The following SLC4A4 variants were observed in gnomAD, a reference collection of about 807,000 sequenced individuals.
SLC4A4 encodes the protein solute carrier family 4 member 4.
Under a neutral mutation model 111.5 loss-of-function variants are expected in SLC4A4, and 27 were observed. The observed-to-expected ratio is 0.24, with a 90% confidence interval of 0.18 to 0.33. SLC4A4 has a LOEUF of 0.33. Among genes scored for constraint, SLC4A4 ranks in the 10% least tolerant of loss-of-function variants. SLC4A4 has a pLI of 1.00. For missense variants in SLC4A4, 909 were observed against 1,315.5 expected (o/e 0.69, Z 4.78); for synonymous variants, 443 against 463.4 (o/e 0.96, Z 0.57).
intron 1 of SLC4A4, among the ~76,000 whole-genome samples, chr4:71,063,837 T>C (rs989731581): frequency 2.0e-5 from 3 of 152,174 alleles, no homozygotes; most frequent in African/African-American, 7.2e-5. Context: ...GTGAAATCAG[T>C]GATGTATTAT....
chr4:71,090,450 G>T (rs147304668), intron 1 of SLC4A4, among the ~76,000 whole-genome samples: 12 of 152,076 alleles, frequency 7.9e-5, no homozygotes, highest in African/African-American at 2.7e-4. Flanking sequence ...CTGGTACCTC[G>T]GTTGGAAATG....
rs113668750 is a variant in SLC4A4, at chr4:71,314,766, G to T, written c.254-24604G>T. Among the ~76,000 whole-genome samples, 1,058 of 152,046 alleles carry T rather than the reference G, an allele frequency of 7.0e-3. 16 individuals are homozygous for T. Among genetic ancestry groups the T allele is most frequent in the African/African-American group, 0.024 (1,014 of 41,462 alleles). On this transcript the variant is annotated intron_variant, in intron 3 of 25. Transcript: ENST00000264485. ...GGAACAACACACACTGGGGCCTTTC[G>T]GGGAGTGGGGTGCAAGGGGAGGGAG...
chr4:71,564,011 A>G, intron 24 of SLC4A4, 122 bp downstream of exon 24: 1 of 707,470 alleles, frequency 1.4e-6, no homozygotes, highest in Non-Finnish European at 2.6e-6. Flanking sequence ...TTCTATGAGA[A>G]GATTTACACT....
At chr4:71,549,576 A>G (rs1735813712) in intron 20 of SLC4A4, among the ~76,000 whole-genome samples, 1 of 151,754 alleles carries the variant, frequency 6.6e-6, no homozygotes, top group Admixed American at 6.6e-5. Context: ...TTATTTTTAT[A>G]TTATTTCTTT....
chr4:71,217,889 A>G (rs969406181), intron 1 of SLC4A4, among the ~76,000 whole-genome samples: 2 of 152,240 alleles, frequency 1.3e-5, no homozygotes, highest in Non-Finnish European at 2.9e-5. Flanking sequence ...TCTGACATGC[A>G]CTGCTTTTGG....
At chr4:71,464,169 G>T (rs2149095842) in intron 12 of SLC4A4, among the ~76,000 whole-genome samples, 1 of 152,224 alleles carries the variant, frequency 6.6e-6, no homozygotes. Context: ...TATGCACAAG[G>T]GTTGAAATCC....
Position 71,306,581 on chromosome 4 carries a change from C to CA in SLC4A4, c.254-32778dup, listed in dbSNP as rs796463259. Among the ~76,000 whole-genome samples the CA allele has an allele frequency of 4.7e-3, 661 of 139,276 alleles. 2 individuals are homozygous for CA. Among genetic ancestry groups the CA allele is most frequent in the African/African-American group, 8.2e-3 (311 of 37,816 alleles). The allele number at this position is 139,276 out of a possible 152,430, so 91.4% of individuals were successfully genotyped here. A position where few individuals can be genotyped will look rare whatever the true frequency, so the allele number is the denominator to read the frequency against. ...TTGGCAACAGAGTGAGACTCCGTCT[C>CA]AAAAAAAAAAATCATAATAATACCT... On this transcript the variant is annotated intron_variant, in intron 3 of 25. Coordinates refer to ENST00000264485, the MANE Select transcript of SLC4A4 (RefSeq NM_001098484.3).
At chr4:71,098,897 A>C (rs1399469923) in intron 2 of SLC4A4, among the ~76,000 whole-genome samples, 1 of 152,226 alleles carries the variant, frequency 6.6e-6, no homozygotes, top group Non-Finnish European at 1.5e-5. Flanking sequence ...GTAATTCAAC[A>C]AGAAAACCTT....
intron 6 of SLC4A4, among the ~76,000 whole-genome samples, chr4:71,360,688 G>T (rs575700887): frequency 1.3e-5 from 2 of 152,192 alleles, no homozygotes; most frequent in South Asian, 4.2e-4. Context: ...ATAACCATAT[G>T]CTAGCTACTG....
At chr4:71,348,359 A>G (rs1265436623) in intron 4 of SLC4A4, among the ~76,000 whole-genome samples, 2 of 148,628 alleles carry the variant, frequency 1.3e-5, no homozygotes, top group Non-Finnish European at 1.5e-5. Context: ...ACACACTAGA[A>G]GTCTTTCATT....
chr4:71,107,834 A>T (rs1199543700), intron 2 of SLC4A4, among the ~76,000 whole-genome samples: 2 of 150,490 alleles, frequency 1.3e-5, no homozygotes, highest in Admixed American at 6.7e-5. Flanking sequence ...CAGCCGCCTG[A>T]GTAGCTGGGA....
intron 6 of SLC4A4, among the ~76,000 whole-genome samples, chr4:71,395,965 G>T (rs1719789257): frequency 6.6e-6 from 1 of 152,022 alleles, no homozygotes; most frequent in Non-Finnish European, 1.5e-5. Flanking sequence ...CCAAATAGCT[G>T]GTTTTGTTTT....
At chr4:71,468,208 T>A (rs1727555468) in intron 13 of SLC4A4, among the ~76,000 whole-genome samples, 2 of 152,124 alleles carry the variant, frequency 1.3e-5, no homozygotes, top group South Asian at 4.1e-4. Flanking sequence ...TTATTCATGT[T>A]AGTTTATAGA....
intron 6 of SLC4A4, among the ~76,000 whole-genome samples, chr4:71,359,706 A>G (rs973023385): frequency 7.9e-5 from 12 of 152,228 alleles, no homozygotes; most frequent in Middle Eastern, 3.2e-3. Context: ...TTAAATTTCT[A>G]TATAAAAATT....
intron 7 of SLC4A4, among the ~76,000 whole-genome samples, chr4:71,440,160 AT>A (rs1028153661): frequency 4.7e-5 from 7 of 149,140 alleles, no homozygotes; most frequent in African/African-American, 1.2e-4. Flanking sequence ...TACTTGTTTT[AT>A]TTTTTTTTCT....
At chr4:71,354,446 C>T (rs1305764562) in intron 5 of SLC4A4, among the ~76,000 whole-genome samples, 1 of 152,118 alleles carries the variant, frequency 6.6e-6, no homozygotes, top group Non-Finnish European at 1.5e-5. Context: ...TTTTGTAATT[C>T]CTAGTCAATA....
chr4:71,431,235 A>G (rs1577884782), intron 7 of SLC4A4, among the ~76,000 whole-genome samples: 1 of 152,178 alleles, frequency 6.6e-6, no homozygotes, highest in African/African-American at 2.4e-5. Flanking sequence ...TTTGACTACA[A>G]TAAGTACAAG....
At position 71,570,818 on chromosome 4, in the gene SLC4A4, C is replaced by T. The variant is rs998049372; in HGVS notation, c.*3067C>T. 4 of 151,812 alleles carry T rather than the reference C, an allele frequency of 2.6e-5. No homozygotes were observed. The highest frequency in any genetic ancestry group is 2.1e-4 in the South Asian group (1 of 4,824). 9.4% of individuals were successfully genotyped at this position (151,812 alleles called of 1,614,324 possible). A position where few individuals can be genotyped will look rare whatever the true frequency, so the allele number is the denominator to read the frequency against. ...CACTGTTTTCCTTGATAAAAGTCAT[C>T]TTCTCTACTGTGTGAAATGAATACT... On this transcript the variant is annotated 3_prime_UTR_variant, in exon 26 of 26. Transcript: ENST00000264485.
At chr4:71,230,372 A>G (rs1006134607) in intron 1 of SLC4A4, among the ~76,000 whole-genome samples, 1 of 152,218 alleles carries the variant, frequency 6.6e-6, no homozygotes, top group African/African-American at 2.4e-5. Context: ...GGCTAATAAT[A>G]AAACTCTTCA....
Sources: allele counts gnomAD v4.1 joint callset (sites outside exome capture counted in the v4.1 genomes callset), GRCh38; gene constraint gnomAD v4.1.1; transcripts MANE v1.5; gene names NCBI Gene and HGNC (gene_info 2026-07-23, HGNC 2026-07-21).